NKAIN2: variants seen among roughly 807,000 people sequenced by gnomAD.
The protein encoded by NKAIN2 is sodium/potassium-transporting ATPase subunit beta-1-interacting protein 2.
Under a neutral mutation model 32.6 loss-of-function variants are expected in NKAIN2, and 14 were observed. The ratio of observed to expected loss-of-function variants is 0.43; its 90% CI spans 0.28 to 0.67. The LOEUF is 0.67. Among genes scored for constraint, NKAIN2 ranks in the 30% least tolerant of loss-of-function variants. NKAIN2 has a pLI of 0.17. For synonymous variants in NKAIN2, 80 were observed against 87.2 expected, an observed-to-expected ratio of 0.92 and a Z score of 0.46; for missense variants, 198 against 258.3, an observed-to-expected ratio of 0.77 and a Z score of 1.60.
intron 3 of NKAIN2, among the ~76,000 whole-genome samples, chr6:124,544,967 C>A (rs1039176124): frequency 3.3e-5 from 5 of 152,080 alleles, no homozygotes; most frequent in African/African-American, 9.7e-5. Flanking sequence ...GCAAATCAAG[C>A]AAATTATGGA....
intron 1 of NKAIN2, among the ~76,000 whole-genome samples, chr6:123,893,207 T>C (rs1774102848): frequency 6.6e-6 from 1 of 151,936 alleles, no homozygotes; most frequent in African/African-American, 2.4e-5. Flanking sequence ...TTATAGAATA[T>C]ATATATTTTT....
intron 1 of NKAIN2, among the ~76,000 whole-genome samples, chr6:124,230,345 G>A (rs1792382965): frequency 6.6e-6 from 1 of 152,178 alleles, no homozygotes; most frequent in East Asian, 1.9e-4. Flanking sequence ...AAGGGAAACA[G>A]AGCATAAAAG....
At chr6:124,742,259 G>A (rs765646714) in intron 4 of NKAIN2, among the ~76,000 whole-genome samples, 1 of 151,820 alleles carries the variant, frequency 6.6e-6, no homozygotes, top group Non-Finnish European at 1.5e-5. Flanking sequence ...AATAAACTGA[G>A]TAAAGAAGGT....
chr6:123,819,004 T>C (rs1373554621), intron 1 of NKAIN2, among the ~76,000 whole-genome samples: 1 of 152,036 alleles, frequency 6.6e-6, no homozygotes, highest in Non-Finnish European at 1.5e-5. Flanking sequence ...GTTAAGTGGG[T>C]GTAGGATGTG....
chr6:124,102,719 CATTG>C (rs1379378035), intron 1 of NKAIN2, among the ~76,000 whole-genome samples: 1 of 152,142 alleles, frequency 6.6e-6, no homozygotes, highest in Non-Finnish European at 1.5e-5. Context: ...TTCCACATCA[CATTG>C]ATTTTTTCCT....
chr6:124,170,656 A>G (rs758802904), intron 1 of NKAIN2, among the ~76,000 whole-genome samples: 2 of 152,186 alleles, frequency 1.3e-5, no homozygotes, highest in Non-Finnish European at 2.9e-5. Context: ...TTTTCTATAA[A>G]TACAGTGAAT....
intron 2 of NKAIN2, among the ~76,000 whole-genome samples, chr6:124,339,117 C>T (rs970909240): frequency 1.3e-5 from 2 of 152,056 alleles, no homozygotes; most frequent in Non-Finnish European, 2.9e-5. Flanking sequence ...CCAAGGCGGG[C>T]GGATCACGAC....
chr6:124,267,760 T>C (rs2114865268), intron 1 of NKAIN2, among the ~76,000 whole-genome samples: 1 of 152,284 alleles, frequency 6.6e-6, no homozygotes, highest in East Asian at 1.9e-4. Flanking sequence ...AATTATAAAA[T>C]ACTCTTGATA....
chr6:124,345,950 TG>T (rs1355520596), intron 2 of NKAIN2, among the ~76,000 whole-genome samples: 2 of 152,226 alleles, frequency 1.3e-5, no homozygotes, highest in Non-Finnish European at 2.9e-5. Context: ...GGATCTTTCC[TG>T]CTTTCTCTTC....
chr6:123,989,359 G>A (rs371395343), intron 1 of NKAIN2, among the ~76,000 whole-genome samples: 1 of 152,106 alleles, frequency 6.6e-6, no homozygotes, highest in Non-Finnish European at 1.5e-5. Context: ...GCATATAATT[G>A]AGAAGTAGTT....
chr6:124,661,385 A>G (rs1012702315), intron 4 of NKAIN2, among the ~76,000 whole-genome samples: 2 of 151,942 alleles, frequency 1.3e-5, no homozygotes, highest in Non-Finnish European at 2.9e-5. Flanking sequence ...TTAACTCCAA[A>G]TCTCTCCAGC....
At position 124,401,401 on chromosome 6, in the gene NKAIN2, G is replaced by A. The variant is rs367896285; in HGVS notation, c.273+46054G>A. Among the ~76,000 whole-genome samples the A allele has an allele frequency of 4.6e-5, 7 of 152,264 alleles. No individual in the cohort carries two copies. The East Asian group carries it at 9.7e-4, about 21-fold the overall frequency. On this transcript the variant is annotated intron_variant, in intron 3 of 6. Transcript: ENST00000368417. ...TCCAGCCTGCCACTGATATTTAAAA[G>A]TAAGATTGTTTTGGAACACAGCTGT...
chr6:124,437,867 TATTG>T (rs781044921), intron 3 of NKAIN2: 22 of 394,148 alleles, frequency 5.6e-5, no homozygotes, highest in South Asian at 3.9e-4. Flanking sequence ...CGTACTGATC[TATTG>T]ATTTTTTTTT....
At chr6:124,118,564 C>A (rs149977069) in intron 1 of NKAIN2, among the ~76,000 whole-genome samples, 8 of 152,214 alleles carry the variant, frequency 5.3e-5, no homozygotes, top group Non-Finnish European at 5.9e-5. Flanking sequence ...CTCAATGATA[C>A]CCTCTCCAGT....
At chr6:123,974,645 G>A (rs1490781614) in intron 1 of NKAIN2, among the ~76,000 whole-genome samples, 2 of 152,148 alleles carry the variant, frequency 1.3e-5, no homozygotes, top group Non-Finnish European at 2.9e-5. Context: ...TTGAATTGAA[G>A]AATGTGCTTT....
At chr6:123,940,601 T>TAA (rs1776770962) in intron 1 of NKAIN2, among the ~76,000 whole-genome samples, 1 of 152,000 alleles carries the variant, frequency 6.6e-6, no homozygotes, top group Admixed American at 6.6e-5. Flanking sequence ...AACACAAAGA[T>TAA]AAGTATGTAT....
chr6:123,902,695 A>C (rs1159389309), intron 1 of NKAIN2, among the ~76,000 whole-genome samples: 1 of 152,206 alleles, frequency 6.6e-6, no homozygotes, highest in East Asian at 1.9e-4. Context: ...TATTTAAAGA[A>C]GCATCGATTT....
chr6:124,635,887 G>A (rs919396140), intron 3 of NKAIN2, among the ~76,000 whole-genome samples: 3 of 151,916 alleles, frequency 2.0e-5, no homozygotes, highest in Admixed American at 6.6e-5. Flanking sequence ...AGATTATCCC[G>A]ATAGAAAATC....
chr6:124,318,295 T>G (rs751146936), intron 2 of NKAIN2, among the ~76,000 whole-genome samples: 19 of 152,146 alleles, frequency 1.2e-4, no homozygotes, highest in Middle Eastern at 3.4e-3. Flanking sequence ...TTTGTCAAAC[T>G]TTGTCACACT....
Sources: allele counts gnomAD v4.1 joint callset (sites outside exome capture counted in the v4.1 genomes callset), GRCh38; gene constraint gnomAD v4.1.1; transcripts MANE v1.5; gene names NCBI Gene and HGNC (gene_info 2026-07-23, HGNC 2026-07-21).